TENM4: variants seen among roughly 807,000 people sequenced by gnomAD.
TENM4 encodes the protein teneurin transmembrane protein 4, also known as teneurin-4.
A neutral mutation model predicts 243.3 loss-of-function variants in TENM4; 82 were observed. That is an observed-to-expected ratio of 0.34 (90% CI 0.28 to 0.40). TENM4 has a LOEUF of 0.40. Ranked by LOEUF, TENM4 falls within the 10% of genes least tolerant of loss-of-function variation. The pLI is 1.00. For synonymous variants in TENM4, 1,412 were observed against 1,456.3 expected (o/e 0.97, Z 0.69); for missense variants, 3,138 against 3,673.3 (o/e 0.85, Z 3.77).
At chr11:79,006,509 T>G (rs1228159527) in intron 6 of TENM4, among the ~76,000 whole-genome samples, 1 of 152,206 alleles carries the variant, frequency 6.6e-6, no homozygotes. Context: ...TAATATCTGA[T>G]TCCTGTGAAT....
intron 29 of TENM4, among the ~76,000 whole-genome samples, chr11:78,683,604 C>T (rs1858576194): frequency 1.4e-5 from 2 of 139,436 alleles, no homozygotes; most frequent in East Asian, 4.1e-4. Context: ...CTTGCGCTTC[C>T]CAGGTGAGGC....
chr11:79,034,280 G>A (rs1318772921), intron 6 of TENM4, among the ~76,000 whole-genome samples: 2 of 152,214 alleles, frequency 1.3e-5, no homozygotes, highest in Non-Finnish European at 2.9e-5. Context: ...TACAGTGGTT[G>A]GACCACTTCT....
chr11:78,665,707 A>G (rs1022872150), intron 32 of TENM4, among the ~76,000 whole-genome samples: 2 of 152,218 alleles, frequency 1.3e-5, no homozygotes, highest in Non-Finnish European at 2.9e-5. Context: ...AGCTCTCTGA[A>G]CCTCAGAACC....
rs973089566 is a variant in TENM4 at position 78,886,512 on chromosome 11, C to G, written c.1084+3273G>C. Among the ~76,000 whole-genome samples, 6 of 152,198 alleles carry G rather than the reference C, an allele frequency of 3.9e-5. No homozygotes were observed. In the East Asian group the frequency reaches 1.2e-3, roughly 29 times the overall value. On this transcript the variant is annotated intron_variant, in intron 9 of 33. Transcript: ENST00000278550. Reference sequence around the variant, plus strand: ...GCCTGCACACCTGCAACGCGTTCACCTGCGTTGGCTTATACCAAGCTCACA... The same window carrying G: ...GCCTGCACACCTGCAACGCGTTCACGTGCGTTGGCTTATACCAAGCTCACA...
chr11:78,715,084 G>A (rs570315882), intron 25 of TENM4, among the ~76,000 whole-genome samples: 2 of 152,326 alleles, frequency 1.3e-5, no homozygotes, highest in Admixed American at 1.3e-4. Context: ...CTTAGGTAGT[G>A]TTTGCATTCG....
chr11:79,270,173 CTGT>C (rs2135343641), intron 2 of TENM4, among the ~76,000 whole-genome samples: 1 of 152,292 alleles, frequency 6.6e-6, no homozygotes, highest in East Asian at 1.9e-4. Context: ...TTAGCTCCCT[CTGT>C]TGTTCTTTCC....
In TENM4 at chr11:78,805,285, C is replaced by CCCCCCCCCCCCCCCCCCCCCAAA; in HGVS notation, c.2179+6_2179+7insTTTGGGGGGGGGGGGGGGGGGGG. 3.2e-6 allele frequency: 5 copies of CCCCCCCCCCCCCCCCCCCCCAAA among 1,578,062 alleles called. No individual in the cohort carries two copies. The highest frequency in any genetic ancestry group is 3.4e-6 in the Non-Finnish European group (4 of 1,160,306). ...TCTACCCATGCTTCTTCTCCCCCTGCATTTACCGATAGAACAGTCGTGTCC... is the reference window on the plus strand; with the variant it reads ...TCTACCCATGCTTCTTCTCCCCCTGCCCCCCCCCCCCCCCCCCCCCAAAATTTACCGATAGAACAGTCGTGTCC... On this transcript the variant is annotated splice_region_variant and intron_variant, in intron 15 of 33. Coordinates refer to ENST00000278550, the MANE Select transcript of TENM4 (RefSeq NM_001098816.3).
intron 3 of TENM4, among the ~76,000 whole-genome samples, chr11:79,188,830 C>T (rs1863423661): frequency 6.6e-6 from 1 of 152,050 alleles, no homozygotes; most frequent in Admixed American, 6.5e-5. Flanking sequence ...AAGTCTTGAC[C>T]TCAGAAAGGC....
intron 6 of TENM4, among the ~76,000 whole-genome samples, chr11:79,007,663 G>C (rs1401464599): frequency 2.0e-5 from 3 of 152,152 alleles, no homozygotes; most frequent in African/African-American, 7.2e-5. Context: ...CACCTGTCTA[G>C]GGGCAGACAG....
chr11:78,893,708 A>G (rs764419189), intron 7 of TENM4, among the ~76,000 whole-genome samples: 21 of 150,336 alleles, frequency 1.4e-4, no homozygotes, highest in Non-Finnish European at 2.7e-4. Flanking sequence ...TCTTACCCTA[A>G]CTAAAATAGC....
intron 6 of TENM4, among the ~76,000 whole-genome samples, chr11:78,939,430 G>A (rs767748712): frequency 6.6e-6 from 1 of 152,206 alleles, no homozygotes; most frequent in Non-Finnish European, 1.5e-5. Flanking sequence ...CATGGTATTA[G>A]CAATTTCACA....
At chr11:78,909,660 G>A (rs540112325) in intron 6 of TENM4, among the ~76,000 whole-genome samples, 1 of 152,358 alleles carries the variant, frequency 6.6e-6, no homozygotes, top group African/African-American at 2.4e-5. Flanking sequence ...CTGCCAGACT[G>A]ACTGTCAGGC....
chr11:79,378,072 C>T (rs1857927969), intron 1 of TENM4, among the ~76,000 whole-genome samples: 2 of 152,332 alleles, frequency 1.3e-5, no homozygotes, highest in South Asian at 2.1e-4. Context: ...TCTAGACCCA[C>T]TGGTCTAAAA....
intron 6 of TENM4, among the ~76,000 whole-genome samples, chr11:79,034,040 G>A (rs1859312565): frequency 6.6e-6 from 1 of 152,304 alleles, no homozygotes; most frequent in East Asian, 1.9e-4. Flanking sequence ...CCTTTTAGGA[G>A]CTGATTCTCA....
intron 6 of TENM4, among the ~76,000 whole-genome samples, chr11:79,045,759 G>A (rs1449030996): frequency 6.7e-6 from 1 of 149,610 alleles, no homozygotes; most frequent in Non-Finnish European, 1.5e-5. Context: ...AGCCCCCAAA[G>A]CCCTTTTTCC....
chr11:78,891,532 T>A (rs1855665715), intron 7 of TENM4, among the ~76,000 whole-genome samples, 196 bp from the exon 8 acceptor site: 2 of 152,188 alleles, frequency 1.3e-5, no homozygotes, highest in Admixed American at 1.3e-4. Context: ...GAGAGAATAC[T>A]GTCTATATAA....
At chr11:79,029,112 C>T (rs1019037920) in intron 6 of TENM4, among the ~76,000 whole-genome samples, 4 of 152,170 alleles carry the variant, frequency 2.6e-5, no homozygotes, top group Admixed American at 6.6e-5. Context: ...TACAGGCCAT[C>T]GTTACCTCTC....
At position 78,786,991 on chromosome 11, in the gene TENM4, G is replaced by A. The variant is rs773251664; in HGVS notation, c.2272C>T (p.Arg758Trp). ...DGWMGAACDQ[R>W]ACHPRCAEHG... is the part of the protein sequence containing the mutation. ...TCGGCACAGCGCGGGTGGCAGGCCC[G>A]CTGGTCGCAGGCTGCCCCCATCCAG... The change falls in exon 16 of 34, where the codon CGG becomes TGG. Residue 758 changes from arginine to tryptophan, a missense_variant. Physicochemically the swap from Arg to Trp is moderately radical, Grantham distance 101 (BLOSUM62 -3). Around this residue, in one of 2 missense-constraint regions of TENM4, gnomAD observed 2,467 missense variants for 3,059.1 expected, o/e 0.81. Coordinates refer to ENST00000278550, the MANE Select transcript of TENM4 (RefSeq NM_001098816.3). The A allele has an allele frequency of 9.5e-6, 15 of 1,575,578 alleles. No individual in the cohort carries two copies. The highest frequency in any genetic ancestry group is 9.4e-5 in the East Asian group (4 of 42,474).
intron 10 of TENM4, among the ~76,000 whole-genome samples, chr11:78,858,070 G>C (rs969950360): frequency 2.0e-5 from 3 of 152,188 alleles, no homozygotes; most frequent in African/African-American, 4.8e-5. Flanking sequence ...AGAATTGTCT[G>C]AATTCAAATA....
Sources: allele counts gnomAD v4.1 joint callset (sites outside exome capture counted in the v4.1 genomes callset), GRCh38; gene constraint gnomAD v4.1.1; regional missense constraint gnomAD v4.1.1; transcripts MANE v1.5; gene names NCBI Gene and HGNC (gene_info 2026-07-23, HGNC 2026-07-21).